Variants in COPS4 observed in about 807,000 individuals in gnomAD.
COPS4 encodes COP9 signalosome subunit 4, also known as COP9 signalosome complex subunit 4.
Under a neutral mutation model 55.1 loss-of-function variants are expected in COPS4, and 8 were observed. The ratio of observed to expected loss-of-function variants is 0.15; its 90% CI spans 0.09 to 0.26. The LOEUF (loss-of-function observed/expected upper bound fraction) is 0.26, where lower values mean the gene tolerates loss of function less well. COPS4 is among the 10% of genes least tolerant of loss of function. The probability of loss-of-function intolerance (pLI) is 1.00; values close to 1 mark genes in which losing one functional copy is unlikely to be tolerated. For missense variants in COPS4, 248 were observed against 484.0 expected (o/e 0.51, Z 4.58); for synonymous variants, 185 against 165.7 (o/e 1.12, Z -0.90).
chr4:83,054,787 G>A (rs936392972), intron 4 of COPS4, among the ~76,000 whole-genome samples: 3 of 152,112 alleles, frequency 2.0e-5, no homozygotes, highest in African/African-American at 7.2e-5. Flanking sequence ...CCTCATCTGT[G>A]AGGAAACCAA....
intron 1 of COPS4, among the ~76,000 whole-genome samples, 184 bp from the exon 2 acceptor site, chr4:83,045,442 A>T (rs753846732): frequency 3.9e-5 from 6 of 152,144 alleles, no homozygotes; most frequent in Non-Finnish European, 8.8e-5. Flanking sequence ...ATAATTATAG[A>T]TTTAATATCT....
rs55904890 is a variant in COPS4 at position 83,053,839 on chromosome 4, C to CAAAAAAA, written c.411-3080_411-3074dup. 3.6e-4 allele frequency among the ~76,000 whole-genome samples: 31 copies of CAAAAAAA among 86,564 alleles called. 13 individuals are homozygous for CAAAAAAA. The highest frequency in any genetic ancestry group is 3.5e-4 in the Non-Finnish European group (17 of 47,900). The allele number at this position is 86,564 out of a possible 152,430, so 56.8% of individuals were successfully genotyped here. On this transcript the variant is annotated intron_variant, in intron 4 of 9. Transcript: ENST00000264389. ...TGGGTGACAGAGTAAGACTCTGTCT[C>CAAAAAAA]AAAAAAAAAAAAAGATGGTTTATAA...
At chr4:83,036,137 A>T (rs1269072340) in intron 1 of COPS4, 1 of 152,212 alleles carries the variant, frequency 6.6e-6, no homozygotes, top group African/African-American at 2.4e-5. Context: ...GGCCGGGTGC[A>T]GTGGCTCACG....
intron 9 of COPS4, among the ~76,000 whole-genome samples, chr4:83,070,257 A>C (rs1292440639): frequency 1.3e-5 from 2 of 152,146 alleles, no homozygotes; most frequent in East Asian, 3.8e-4. Flanking sequence ...TATGCTACTG[A>C]GTTTCCATGG....
chr4:83,069,088 T>C (rs913262991), intron 9 of COPS4, among the ~76,000 whole-genome samples: 5 of 152,208 alleles, frequency 3.3e-5, no homozygotes, highest in Non-Finnish European at 7.3e-5. Flanking sequence ...CAAATATTTA[T>C]TGACCACATA....
At chr4:83,038,837 G>T (rs2126127048) in intron 1 of COPS4, among the ~76,000 whole-genome samples, 1 of 152,156 alleles carries the variant, frequency 6.6e-6, no homozygotes, top group East Asian at 1.9e-4. Flanking sequence ...TAGAGACAGG[G>T]TTTCACCATG....
At chr4:83,058,609 A>G (rs1731074522) in intron 6 of COPS4, among the ~76,000 whole-genome samples, 1 of 152,220 alleles carries the variant, frequency 6.6e-6, no homozygotes, top group Non-Finnish European at 1.5e-5. Flanking sequence ...TTCTTTTTCT[A>G]AAGAACTTTT....
intron 1 of COPS4, among the ~76,000 whole-genome samples, chr4:83,036,531 G>A (rs4693548): frequency 0.42 from 63,714 of 151,976 alleles, 16,741 homozygotes; most frequent in Admixed American, 0.58. Flanking sequence ...TCCCACTCAG[G>A]AAAATGAAGA....
At chr4:83,057,838 C>T (rs1482223089) in intron 6 of COPS4, among the ~76,000 whole-genome samples, 2 of 146,020 alleles carry the variant, frequency 1.4e-5, no homozygotes, top group African/African-American at 2.5e-5. Flanking sequence ...AGGAGAATGG[C>T]GTGAATCCAG....
At chr4:83,051,190 G>A (rs916586762) in intron 4 of COPS4, among the ~76,000 whole-genome samples, 2 of 151,400 alleles carry the variant, frequency 1.3e-5, no homozygotes, top group Non-Finnish European at 2.9e-5. Context: ...CTTGAGCCCA[G>A]GAGTTTGAGA....
At chr4:83,063,017 C>A in intron 6 of COPS4, 59 bp from the exon 7 acceptor site, 1 of 1,398,600 alleles carries the variant, frequency 7.2e-7, no homozygotes, top group Non-Finnish European at 9.6e-7. Context: ...GTTTTTTTTT[C>A]CTGAAGAAAC....
chr4:83,045,441 G>T (rs1158166605), intron 1 of COPS4, among the ~76,000 whole-genome samples, 185 bp from the exon 2 acceptor site: 1 of 152,080 alleles, frequency 6.6e-6, no homozygotes, highest in East Asian at 1.9e-4. Flanking sequence ...TATAATTATA[G>T]ATTTAATATC....
At chr4:83,044,297 T>C (rs1730645583) in intron 1 of COPS4, among the ~76,000 whole-genome samples, 1 of 150,556 alleles carries the variant, frequency 6.6e-6, no homozygotes, top group Non-Finnish European at 1.5e-5. Flanking sequence ...ATACAAAAAT[T>C]AGCCGCACTT....
intron 1 of COPS4, among the ~76,000 whole-genome samples, chr4:83,036,540 G>GA (rs1185819405): frequency 6.6e-6 from 1 of 152,140 alleles, no homozygotes; most frequent in Non-Finnish European, 1.5e-5. Flanking sequence ...GGAAAATGAA[G>GA]ATAATAATAG....
At chr4:83,045,489 G>T in intron 1 of COPS4, 137 bp from the exon 2 acceptor site, 2 of 542,184 alleles carry the variant, frequency 3.7e-6, no homozygotes, top group South Asian at 3.4e-5. Context: ...AAAATCTGTG[G>T]TATACTATAA....
Position 83,066,547 on chromosome 4 carries a change from A to G in COPS4, c.996A>G (p.Ala332=). The G allele has an allele frequency of 6.7e-7, 1 of 1,499,966 alleles. No individual in the cohort carries two copies. Among genetic ancestry groups the G allele is most frequent in the Admixed American group, 1.9e-5 (1 of 52,996 alleles). 92.9% of individuals were successfully genotyped at this position (1,499,966 alleles called of 1,614,324 possible). ...EELGALLEIP[A]AKAEKIASQM... ...TTGGAGCTCTTTTAGAGATCCCTGCAGCTAAGGTATCTTCTTGATTCCAAT... is the reference window on the plus strand; with the variant it reads ...TTGGAGCTCTTTTAGAGATCCCTGCGGCTAAGGTATCTTCTTGATTCCAAT... The change falls in exon 8 of 10, where the codon GCA becomes GCG. Residue 332 remains alanine, a synonymous_variant. Transcript: ENST00000264389.
chr4:83,054,596 A>G (rs780279866), intron 4 of COPS4, among the ~76,000 whole-genome samples: 9 of 152,146 alleles, frequency 5.9e-5, no homozygotes, highest in Non-Finnish European at 1.0e-4. Context: ...AGGTCCCTTG[A>G]TAATTTGGTA....
In COPS4 at chr4:83,045,716, T is replaced by C; in HGVS notation, c.154+11T>C. On this transcript the variant is annotated intron_variant, in intron 2 of 9. Coordinates refer to ENST00000264389, the MANE Select transcript of COPS4 (RefSeq NM_016129.3). ...CTTTTGTGGAAGCAAGTAAGTGAAA[T>C]GGAAATTTCATGCTTGCCTTGTATT... 1.9e-6 allele frequency: 3 copies of C among 1,598,516 alleles called. No homozygotes were observed. The Admixed American group carries it at 5.0e-5, about 27-fold the overall frequency.
intron 9 of COPS4, 72 bp from the exon 10 acceptor site, chr4:83,075,225 A>G (rs2126136151): frequency 4.2e-6 from 6 of 1,412,870 alleles, no homozygotes; most frequent in African/African-American, 2.8e-5. Context: ...TAAAAAGTAT[A>G]TATCTTTTAA....
Sources: gnomAD v4.1 joint callset for allele counts (sites outside exome capture counted in the v4.1 genomes callset) on GRCh38, gnomAD v4.1.1 for gene constraint, MANE v1.5 for transcripts, NCBI Gene and HGNC (gene_info 2026-07-23, HGNC 2026-07-21) for gene names.